The following RRAS2 variants were observed in gnomAD, a reference collection of about 807,000 sequenced individuals.
RRAS2 encodes RAS related 2, also known as ras-related protein R-Ras2.
Under a neutral mutation model 27.6 loss-of-function variants are expected in RRAS2, and 7 were observed. That is an observed-to-expected ratio of 0.25 (90% CI 0.14 to 0.48). The LOEUF (loss-of-function observed/expected upper bound fraction) is 0.48, where lower values mean the gene tolerates loss of function less well. Among genes scored for constraint, RRAS2 ranks in the 20% least tolerant of loss-of-function variants. The pLI, the probability that RRAS2 is intolerant of heterozygous loss-of-function variation, is 0.99. For missense variants in RRAS2, 178 were observed against 256.2 expected (o/e 0.69, Z 2.08); for synonymous variants, 86 against 90.9 (o/e 0.95, Z 0.31).
In RRAS2 at chr11:14,359,109, G is replaced by C; in HGVS notation, c.-239C>G. The C allele has an allele frequency of 3.8e-6, 4 of 1,055,958 alleles. No homozygotes were observed. Among genetic ancestry groups the C allele is most frequent in the Non-Finnish European group, 4.6e-6 (4 of 876,518 alleles). The allele number at this position is 1,055,958 out of a possible 1,614,324, so 65.4% of individuals were successfully genotyped here. A position where few individuals can be genotyped will look rare whatever the true frequency, so the allele number is the denominator to read the frequency against. ...GCACGGGCCAGGGGCGGCAGCGGCC[G>C]GGGGGCGCGCTCCTCTACGCGTCTC... On this transcript the variant is annotated 5_prime_UTR_variant, in exon 1 of 6. Transcript: ENST00000256196.
intron 4 of RRAS2, among the ~76,000 whole-genome samples, chr11:14,293,119 AAACAAATATATATATATATATATATAT>A (rs1231840625): frequency 3.1e-5 from 3 of 97,166 alleles, no homozygotes; most frequent in African/African-American, 1.1e-4. Context: ...AAACAAAACA[AAACAAATATATATATATATATATATAT>A]ATATATATAT....
intron 1 of RRAS2, among the ~76,000 whole-genome samples, chr11:14,338,469 A>C (rs1848632420): frequency 6.6e-6 from 1 of 152,306 alleles, no homozygotes; most frequent in African/African-American, 2.4e-5. Flanking sequence ...CTTTTTACAC[A>C]TATCTACAAG....
intron 1 of RRAS2, among the ~76,000 whole-genome samples, chr11:14,329,947 T>C (rs571477067): frequency 6.6e-5 from 10 of 152,054 alleles, no homozygotes; most frequent in Non-Finnish European, 1.0e-4. Context: ...TGGTGACACA[T>C]GCTTGTAGTC....
intron 1 of RRAS2, among the ~76,000 whole-genome samples, chr11:14,300,591 CA>C (rs1186796642): frequency 1.3e-5 from 2 of 151,670 alleles, no homozygotes; most frequent in East Asian, 3.9e-4. Context: ...ACCCCCGCCT[CA>C]AAAAAAATTG....
Position 14,294,530 on chromosome 11 carries a change from G to C in RRAS2, c.349C>G (p.Arg117Gly), listed in dbSNP as rs782490571. Reference sequence around the variant, plus strand: ...ATTAAAATCATTGGGAACTCATCACGATCCTTTACTCTGAGAATCTGTCTT... The same window carrying C: ...ATTAAAATCATTGGGAACTCATCACCATCCTTTACTCTGAGAATCTGTCTT... ...FQRQILRVKDRDEFPMILIGN... is the reference protein window; with the variant it reads ...FQRQILRVKDGDEFPMILIGN... The change falls in exon 4 of 6, where the codon CGT becomes GGT. Residue 117 changes from arginine (R) to glycine (G), a missense_variant. Physicochemically the swap from Arg to Gly is moderately radical, Grantham distance 125. Transcript: ENST00000256196. The C allele has an allele frequency of 1.0e-5, 16 of 1,599,112 alleles. No homozygotes were observed. Among genetic ancestry groups the C allele is most frequent in the South Asian group, 2.3e-5 (2 of 86,902 alleles).
In RRAS2 at chr11:14,358,345, C is replaced by A; in HGVS notation, c.108+418G>T. The A allele has an allele frequency of 1.0e-6, 1 of 985,558 alleles. No homozygotes were observed. The highest frequency in any genetic ancestry group is 1.7e-5 in the African/African-American group (1 of 57,366). The allele number at this position is 985,558 out of a possible 1,614,324, so 61.1% of individuals were successfully genotyped here. On this transcript the variant is annotated intron_variant, in intron 1 of 5. Transcript: ENST00000256196. The surrounding 1 kb of genome is among the most constrained non-coding windows in gnomAD (Gnocchi z 5.1). ...CAAGTTGCCACCGCTATCGCCCCGA[C>A]GGTGAAGGCGCGGCCGCAGGCGGCT... is the stretch of plus-strand genomic sequence containing the variant.
intron 1 of RRAS2, among the ~76,000 whole-genome samples, chr11:14,332,408 G>C (rs1312836203): frequency 5.3e-5 from 8 of 152,202 alleles, no homozygotes; most frequent in Admixed American, 4.6e-4. Flanking sequence ...GGCTGAGGCA[G>C]GAGGCCCACT....
Position 14,279,227 on chromosome 11 carries a change from A to G in RRAS2, c.*110T>C, listed in dbSNP as rs1849452748. ...GCCAGCTTCTTCGTCTAAGGCTAAC[A>G]TGGTGATCATTTGTCTAAGGCTAGA... is the stretch of plus-strand genomic sequence containing the variant. On this transcript the variant is annotated 3_prime_UTR_variant, in exon 6 of 6. Coordinates refer to ENST00000256196, the MANE Select transcript of RRAS2 (RefSeq NM_012250.6). The G allele has an allele frequency of 2.5e-6, 2 of 793,254 alleles. No individual in the cohort carries two copies. The highest frequency in any genetic ancestry group is 4.4e-6 in the Non-Finnish European group (2 of 454,242). 49.1% of individuals were successfully genotyped at this position (793,254 alleles called of 1,614,324 possible).
chr11:14,364,046 GGC>G (rs1554956448), upstream of RRAS2, among the ~76,000 whole-genome samples: 1 of 152,176 alleles, frequency 6.6e-6, no homozygotes, highest in African/African-American at 2.4e-5. Flanking sequence ...CTCCAGCCTG[GGC>G]AACAAGAGCG....
chr11:14,358,841 G>C lies in RRAS2; in HGVS notation c.30C>G (p.Ser10=). The part of the protein sequence containing the change: MAAAGWRDG[S]GQEKYRLVVV... ...CCACGAGCCGGTACTTCTCCTGGCCGGAGCCGTCCCGCCAGCCGGCCGCGG... is the reference window on the plus strand; with the variant it reads ...CCACGAGCCGGTACTTCTCCTGGCCCGAGCCGTCCCGCCAGCCGGCCGCGG... Residue 10 remains serine, a synonymous_variant, in exon 1 of 6, where the codon TCC becomes TCG. Coordinates refer to ENST00000256196, the MANE Select transcript of RRAS2 (RefSeq NM_012250.6). This position sits in a 1 kb window ranked among gnomAD's most constrained non-coding sequence, Gnocchi z 5.1. 2.0e-6 allele frequency: 3 copies of C among 1,483,026 alleles called. No homozygotes were observed. Among genetic ancestry groups the C allele is most frequent in the South Asian group, 1.2e-5 (1 of 81,928 alleles). The allele number at this position is 1,483,026 out of a possible 1,614,324, so 91.9% of individuals were successfully genotyped here.
At chr11:14,346,893 G>A (rs567422308) in intron 1 of RRAS2, among the ~76,000 whole-genome samples, 9 of 152,246 alleles carry the variant, frequency 5.9e-5, no homozygotes, top group East Asian at 5.8e-4. Flanking sequence ...AGTGGTTCAC[G>A]CCTATAATAC....
rs1849758364 is a variant in RRAS2 at position 14,289,714 on chromosome 11, TGGAA to T, written c.408+4753_408+4756del. On this transcript the variant is annotated intron_variant, in intron 4 of 5. Transcript: ENST00000256196. The stretch of plus-strand genomic sequence containing the variant: ...GTTCAATAAATACTGGATGAATGGA[TGGAA>T]GGATGAAAGAAGCAACCCAGTCCAC... Among the ~76,000 whole-genome samples the T allele has an allele frequency of 2.6e-5, 4 of 152,210 alleles. No homozygotes were observed. The East Asian group carries it at 7.7e-4, about 29-fold the overall frequency.
At chr11:14,311,897 C>T (rs1267622104) in intron 1 of RRAS2, among the ~76,000 whole-genome samples, 1 of 151,698 alleles carries the variant, frequency 6.6e-6, no homozygotes, top group Admixed American at 6.6e-5. Flanking sequence ...TAGAGTCTCA[C>T]TCTGTTGCCC....
At chr11:14,324,346 T>A (rs1848297834) in intron 1 of RRAS2, among the ~76,000 whole-genome samples, 2 of 148,128 alleles carry the variant, frequency 1.4e-5, no homozygotes, top group South Asian at 4.2e-4. Context: ...CAACAGCAAA[T>A]ATATGATATG....
At chr11:14,337,318 G>GA (rs1326349982) in intron 1 of RRAS2, among the ~76,000 whole-genome samples, 4 of 152,108 alleles carry the variant, frequency 2.6e-5, no homozygotes, top group African/African-American at 9.7e-5. Flanking sequence ...CATCAACACT[G>GA]ACACTGTCTG....
chr11:14,341,291 A>G (rs1554953231), intron 1 of RRAS2, among the ~76,000 whole-genome samples: 1 of 152,202 alleles, frequency 6.6e-6, no homozygotes, highest in Non-Finnish European at 1.5e-5. Context: ...CTCAAACTAC[A>G]TTATGTGGGC....
chr11:14,298,979 G>A lies in RRAS2; in HGVS notation c.109-3124C>T, dbSNP rs1356039377. Among the ~76,000 whole-genome samples the A allele has an allele frequency of 2.6e-5, 4 of 152,134 alleles. No individual in the cohort carries two copies. The South Asian group carries it at 6.2e-4, about 24-fold the overall frequency. ...CAGTCCCCGTGATGAAGTGTCGTGG[G>A]TTTAATTCTAACTCTGCTATTCCCT... On this transcript the variant is annotated intron_variant, in intron 1 of 5. Transcript: ENST00000256196.
chr11:14,329,028 T>TATATAC (rs1322550682), intron 1 of RRAS2, among the ~76,000 whole-genome samples: 2 of 114,626 alleles, frequency 1.7e-5, no homozygotes, highest in African/African-American at 6.0e-5. Context: ...TATATATATA[T>TATATAC]ACACACACAC....
At chr11:14,344,627 G>T (rs1414234983) in intron 1 of RRAS2, among the ~76,000 whole-genome samples, 3 of 152,004 alleles carry the variant, frequency 2.0e-5, no homozygotes, top group Non-Finnish European at 4.4e-5. Context: ...CAACCACATC[G>T]TCATTAACCA....
Sources: gnomAD v4.1 joint callset for allele counts (sites outside exome capture counted in the v4.1 genomes callset) on GRCh38, gnomAD v4.1.1 for gene constraint, Gnocchi (gnomAD v3.1) non-coding constraint, MANE v1.5 for transcripts, NCBI Gene and HGNC (gene_info 2026-07-23, HGNC 2026-07-21) for gene names.